Variants in GRXCR1 observed in about 807,000 individuals in gnomAD.
The protein encoded by GRXCR1 is glutaredoxin domain-containing cysteine-rich protein 1.
A neutral mutation model predicts 27.3 loss-of-function variants in GRXCR1; 27 were observed. The observed-to-expected ratio is 0.99, with a 90% CI of 0.73 to 1.37. The LOEUF is 1.37. GRXCR1 is among the 40% of genes most tolerant of loss of function. The pLI, the probability that GRXCR1 is intolerant of heterozygous loss-of-function variation, is 0.00. For missense variants in GRXCR1, 379 were observed against 354.4 expected, an observed-to-expected ratio of 1.07 and a Z score of -0.56; for synonymous variants, 122 against 131.1, an observed-to-expected ratio of 0.93 and a Z score of 0.47.
intron 1 of GRXCR1, among the ~76,000 whole-genome samples, chr4:42,937,769 TG>T (rs1254914406): frequency 1.3e-5 from 2 of 151,996 alleles, no homozygotes; most frequent in African/African-American, 4.8e-5. Flanking sequence ...TTGTAACATA[TG>T]TTTTTAAAGT....
At chr4:43,023,462 A>G (rs1713157991) in intron 3 of GRXCR1, among the ~76,000 whole-genome samples, 1 of 152,200 alleles carries the variant, frequency 6.6e-6, no homozygotes, top group East Asian at 1.9e-4. Context: ...ATTGCTGGGG[A>G]AGCTGAGTCG....
chr4:42,906,408 G>A lies in GRXCR1; in HGVS notation c.384+12758G>A, dbSNP rs189234734. Among the ~76,000 whole-genome samples, 299 of 152,222 alleles carry A rather than the reference G, an allele frequency of 2.0e-3. 2 individuals are homozygous for A. The highest frequency in any genetic ancestry group is 6.8e-3 in the African/African-American group (282 of 41,552). On this transcript the variant is annotated intron_variant, in intron 1 of 3. Coordinates refer to ENST00000399770, the MANE Select transcript of GRXCR1 (RefSeq NM_001080476.3). Reference sequence around the variant, plus strand: ...TGCTGCTTGCTCCATTACATCAAAAGCAAAATAAAGTATAAAACACAGTGA... The same window carrying A: ...TGCTGCTTGCTCCATTACATCAAAAACAAAATAAAGTATAAAACACAGTGA...
chr4:43,004,590 C>T (rs1031474348), intron 2 of GRXCR1, among the ~76,000 whole-genome samples: 1 of 152,124 alleles, frequency 6.6e-6, no homozygotes, highest in African/African-American at 2.4e-5. Context: ...CCTTGGGAGC[C>T]CACCCTTTGC....
chr4:42,982,189 A>T (rs1272389030), intron 2 of GRXCR1, among the ~76,000 whole-genome samples: 2 of 151,186 alleles, frequency 1.3e-5, no homozygotes, highest in African/African-American at 2.4e-5. Flanking sequence ...ACATCTCCTG[A>T]TGCTATCCCT....
At chr4:42,944,866 G>A (rs17450262) in intron 1 of GRXCR1, among the ~76,000 whole-genome samples, 25,515 of 152,152 alleles carry the variant, frequency 0.17, 2,428 homozygotes, top group South Asian at 0.3. Context: ...GAGGACAAAA[G>A]ACATAATCAA....
intron 2 of GRXCR1, among the ~76,000 whole-genome samples, chr4:42,967,355 G>T (rs1210736906): frequency 1.3e-5 from 2 of 151,996 alleles, no homozygotes; most frequent in African/African-American, 4.8e-5. Context: ...AGTTGACTAT[G>T]TTTATATGGA....
At chr4:42,992,895 TTTACA>T (rs1367713566) in intron 2 of GRXCR1, among the ~76,000 whole-genome samples, 1 of 152,158 alleles carries the variant, frequency 6.6e-6, no homozygotes, top group East Asian at 1.9e-4. Flanking sequence ...CTTTTCATTG[TTTACA>T]TTACTTCTTA....
chr4:42,932,605 TATATATATATATATAGAG>T (rs1322039005), intron 1 of GRXCR1, among the ~76,000 whole-genome samples: 191 of 57,712 alleles, frequency 3.3e-3, no homozygotes, highest in South Asian at 8.0e-3. Flanking sequence ...TATATATATA[TATATATATATATATAGAG>T]AGAGAGAGAG....
At chr4:42,962,780 G>A in intron 1 of GRXCR1, 112 bp from the exon 2 acceptor site, 1 of 1,155,374 alleles carries the variant, frequency 8.7e-7, no homozygotes, top group Non-Finnish European at 1.3e-6. Flanking sequence ...ATTGACAAAT[G>A]TGTTCATTCA....
At chr4:42,975,891 T>G (rs1748508283) in intron 2 of GRXCR1, among the ~76,000 whole-genome samples, 2 of 152,146 alleles carry the variant, frequency 1.3e-5, no homozygotes, top group African/African-American at 4.8e-5. Flanking sequence ...TCAATTTTCA[T>G]TCCATAAACT....
intron 1 of GRXCR1, among the ~76,000 whole-genome samples, chr4:42,910,564 A>G (rs1043872967): frequency 6.6e-6 from 1 of 152,138 alleles, no homozygotes; most frequent in Non-Finnish European, 1.5e-5. Flanking sequence ...TAAATGATTC[A>G]GGTCATAAGC....
chr4:42,897,856 A>G (rs1002924731), intron 1 of GRXCR1, among the ~76,000 whole-genome samples: 1 of 151,580 alleles, frequency 6.6e-6, no homozygotes, highest in Admixed American at 6.6e-5. Flanking sequence ...TTACACAGGG[A>G]TTTCACATAT....
chr4:43,012,895 C>A (rs1475835765), intron 2 of GRXCR1, among the ~76,000 whole-genome samples: 1 of 152,010 alleles, frequency 6.6e-6, no homozygotes, highest in Non-Finnish European at 1.5e-5. Context: ...AAGACATGAA[C>A]ACACACTTCT....
In GRXCR1 at chr4:42,964,778, T is replaced by A. The variant is rs574286413; in HGVS notation, c.627+1644T>A. The stretch of plus-strand genomic sequence containing the variant: ...CAAAGTAAGTTTTCAAATGAACATA[T>A]GTTGAATGGATGGATGAATTATGCT... On this transcript the variant is annotated intron_variant, in intron 2 of 3. Coordinates refer to ENST00000399770, the MANE Select transcript of GRXCR1 (RefSeq NM_001080476.3). 3.3e-5 allele frequency among the ~76,000 whole-genome samples: 5 copies of A among 152,140 alleles called. No homozygotes were observed. In the South Asian group the frequency reaches 1.0e-3, roughly 32 times the overall value.
At chr4:43,015,779 T>C (rs4861240) in intron 2 of GRXCR1, among the ~76,000 whole-genome samples, 3,260 of 151,288 alleles carry the variant, frequency 0.022, 112 homozygotes, top group African/African-American at 0.074. Flanking sequence ...TAAAACTATA[T>C]ATTATATATG....
intron 2 of GRXCR1, among the ~76,000 whole-genome samples, chr4:42,991,237 G>A (rs867166119): frequency 6.6e-6 from 1 of 151,598 alleles, no homozygotes; most frequent in Non-Finnish European, 1.5e-5. Context: ...ATTTTGGTTC[G>A]TCTCTTTTGT....
chr4:42,939,204 T>C (rs1398996057), intron 1 of GRXCR1, among the ~76,000 whole-genome samples: 1 of 152,112 alleles, frequency 6.6e-6, no homozygotes, highest in Non-Finnish European at 1.5e-5. Flanking sequence ...TAGTTTTCAT[T>C]GTGGAGATCT....
chr4:42,987,256 TATATAATATATATATATATATAGAG>T (rs1560676959), intron 2 of GRXCR1, among the ~76,000 whole-genome samples: 18 of 79,732 alleles, frequency 2.3e-4, no homozygotes, highest in Admixed American at 1.9e-3. Context: ...ATAATATATA[TATATAATATATATATATATATAGAG>T]AGAGAGAGAG....
At chr4:42,901,274 A>G (rs1746454822) in intron 1 of GRXCR1, among the ~76,000 whole-genome samples, 1 of 152,180 alleles carries the variant, frequency 6.6e-6, no homozygotes, top group Admixed American at 6.5e-5. Context: ...ACAAACTTAG[A>G]GCCTTAAATC....
Sources: allele counts gnomAD v4.1 joint callset (sites outside exome capture counted in the v4.1 genomes callset), GRCh38; gene constraint gnomAD v4.1.1; transcripts MANE v1.5; gene names NCBI Gene and HGNC (gene_info 2026-07-23, HGNC 2026-07-21).